Variants in DIP2C observed in about 807,000 individuals in gnomAD.
DIP2C encodes DIP2 acetate--CoA ligase C (putative), also known as disco-interacting protein 2 homolog C.
In DIP2C, 33 loss-of-function variants were observed where a neutral mutation model predicts 192.4. The observed-to-expected ratio is 0.17, with a 90% CI of 0.13 to 0.23. DIP2C has a LOEUF of 0.23. DIP2C is among the 10% of genes least tolerant of loss of function. The pLI, the probability that DIP2C is intolerant of heterozygous loss-of-function variation, is 1.00. For synonymous variants in DIP2C, 979 were observed against 864.1 expected, an observed-to-expected ratio of 1.13 and a Z score of -2.33; for missense variants, 1,537 against 2,110.1, an observed-to-expected ratio of 0.73 and a Z score of 5.32.
intron 1 of DIP2C, among the ~76,000 whole-genome samples, chr10:565,354 T>TAAAATTAAAAA (rs376030794): frequency 2.6e-5 from 3 of 114,136 alleles, no homozygotes; most frequent in Admixed American, 1.7e-4. Context: ...ACCTGCATTC[T>TAAAATTAAAAA]AAAAAAAAAA....
intron 1 of DIP2C, among the ~76,000 whole-genome samples, chr10:643,243 G>C (rs1164077737): frequency 2.1e-5 from 3 of 146,158 alleles, no homozygotes; most frequent in Admixed American, 6.8e-5. Flanking sequence ...GGCCGGGCAC[G>C]GTGGCTCAGG....
rs1960761083 is a variant in DIP2C at position 369,926 on chromosome 10, G to GCT, written c.1992-295_1992-294dup. On this transcript the variant is annotated intron_variant, in intron 17 of 36. Coordinates refer to ENST00000280886, the MANE Select transcript of DIP2C (RefSeq NM_014974.3). ...CTCTATGCAGGCCCTGCACAGACCA[G>GCT]CTCTCTCTCCCCTCCCTCCAGGCCC... 3.1e-6 allele frequency: 4 copies of GCT among 1,306,152 alleles called. No homozygotes were observed. In the East Asian group the frequency reaches 1.4e-4, roughly 46 times the overall value. The allele number at this position is 1,306,152 out of a possible 1,614,324, so 80.9% of individuals were successfully genotyped here.
chr10:615,305 T>G (rs1295278195), intron 1 of DIP2C, among the ~76,000 whole-genome samples: 3 of 152,154 alleles, frequency 2.0e-5, no homozygotes, highest in Non-Finnish European at 4.4e-5. Context: ...GCTGATGTTA[T>G]CAAATCACCA....
rs777371776 is a variant in DIP2C at position 419,054 on chromosome 10, T to G, written c.739+11A>C. On this transcript the variant is annotated intron_variant, in intron 6 of 36. Coordinates refer to ENST00000280886, the MANE Select transcript of DIP2C (RefSeq NM_014974.3). ...TACCAGAAAAAAACGCATCTCTCCT[T>G]TGGGACGTACCATCCCCGGTCTCCA... 1 of 1,614,222 alleles carries G rather than the reference T, an allele frequency of 6.2e-7. No homozygotes were observed. The highest frequency in any genetic ancestry group is 1.1e-5 in the South Asian group (1 of 91,082).
At position 636,202 on chromosome 10, in the gene DIP2C, C is replaced by A. The variant is rs1854826045; in HGVS notation, c.85+53292G>T. ...CCACAAGTCGACAGAACACCAACGG[C>A]TCGTCGGCTCGTCGGCTCTTCCCGG... is the stretch of plus-strand genomic sequence containing the variant. On this transcript the variant is annotated intron_variant, in intron 1 of 36. Transcript: ENST00000280886. This position sits in a 1 kb window ranked among gnomAD's most constrained non-coding sequence, Gnocchi z 4.6. 6.6e-6 allele frequency among the ~76,000 whole-genome samples: 1 copy of A among 152,206 alleles called. No homozygotes were observed. Among genetic ancestry groups the A allele is most frequent in the South Asian group, 2.1e-4 (1 of 4,826 alleles).
At position 591,127 on chromosome 10, in the gene DIP2C, G is replaced by A. The variant is rs1461195047; in HGVS notation, c.85+98367C>T. On this transcript the variant is annotated intron_variant, in intron 1 of 36. Coordinates refer to ENST00000280886, the MANE Select transcript of DIP2C (RefSeq NM_014974.3). ...CAGGTTTCCATTACTGGTTTTTTTTGTTTTGTTTTTTTTAGATGGAGTCTC... is the reference window on the plus strand; with the variant it reads ...CAGGTTTCCATTACTGGTTTTTTTTATTTTGTTTTTTTTAGATGGAGTCTC... Among the ~76,000 whole-genome samples, 6 of 149,986 alleles carry A rather than the reference G, an allele frequency of 4.0e-5. No individual in the cohort carries two copies. The South Asian group carries it at 1.0e-3, about 26-fold the overall frequency.
intron 5 of DIP2C, 110 bp downstream of exon 5, chr10:422,714 T>C: frequency 1.5e-6 from 2 of 1,335,474 alleles, no homozygotes; most frequent in East Asian, 2.3e-5. Context: ...CCAGAGGAGC[T>C]CTGTGCTCTT....
rs866937330 is a variant in DIP2C at position 487,571 on chromosome 10, T to G, written c.86-1041A>C. ...CGCATCCGCCCATCAATGAGTGTTT[T>G]TTTTTTTTTTTTTTTTTTTTTTTTT... is the stretch of plus-strand genomic sequence containing the variant. On this transcript the variant is annotated intron_variant, in intron 1 of 36. Coordinates refer to ENST00000280886, the MANE Select transcript of DIP2C (RefSeq NM_014974.3). 5.2e-5 allele frequency among the ~76,000 whole-genome samples: 5 copies of G among 95,566 alleles called. No individual in the cohort carries two copies. The South Asian group carries it at 1.2e-3, about 22-fold the overall frequency. 62.7% of individuals were successfully genotyped at this position (95,566 alleles called of 152,430 possible). A position where few individuals can be genotyped will look rare whatever the true frequency, so the allele number is the denominator to read the frequency against.
chr10:579,045 C>T (rs914325442), intron 1 of DIP2C, among the ~76,000 whole-genome samples: 1 of 151,990 alleles, frequency 6.6e-6, no homozygotes, highest in Non-Finnish European at 1.5e-5. Context: ...ACCCAGTGTA[C>T]AAACATAAGT....
At chr10:406,323 C>G (rs1964804792) in intron 9 of DIP2C, among the ~76,000 whole-genome samples, 1 of 152,230 alleles carries the variant, frequency 6.6e-6, no homozygotes, top group South Asian at 2.1e-4. Flanking sequence ...ACTGCCACCA[C>G]CAGCCATCTC....
chr10:587,490 A>G (rs1004272091), intron 1 of DIP2C, among the ~76,000 whole-genome samples: 4 of 152,204 alleles, frequency 2.6e-5, no homozygotes, highest in African/African-American at 7.2e-5. Flanking sequence ...AATGAAATAA[A>G]AATACCCCAA....
At chr10:493,694 T>C (rs1397900329) in intron 1 of DIP2C, among the ~76,000 whole-genome samples, 3 of 152,146 alleles carry the variant, frequency 2.0e-5, no homozygotes, top group African/African-American at 7.2e-5. Flanking sequence ...GGAGGGAACA[T>C]GAGCATGAGG....
At chr10:315,686 G>A (rs1286065161) in intron 31 of DIP2C, among the ~76,000 whole-genome samples, 1 of 152,224 alleles carries the variant, frequency 6.6e-6, no homozygotes, top group Non-Finnish European at 1.5e-5. Context: ...TCTGCCTGGA[G>A]TTGACTGAGC....
At chr10:686,385 G>A (rs1335839263) in intron 1 of DIP2C, among the ~76,000 whole-genome samples, 4 of 146,106 alleles carry the variant, frequency 2.7e-5, no homozygotes, top group African/African-American at 1.0e-4. Context: ...CTCCTCACCC[G>A]AGGGGCCTCC....
At chr10:414,737 G>GTATATATATATATATATATATATATA (rs1213629573) in intron 7 of DIP2C, among the ~76,000 whole-genome samples, 37 of 55,784 alleles carry the variant, frequency 6.6e-4, no homozygotes, top group East Asian at 2.1e-3. Flanking sequence ...GTGTGTGTGT[G>GTATATATATATATATATATATATATA]TGTACATATA....
intron 1 of DIP2C, among the ~76,000 whole-genome samples, chr10:572,200 G>A (rs992512501): frequency 3.3e-5 from 5 of 152,194 alleles, no homozygotes; most frequent in African/African-American, 1.2e-4. Flanking sequence ...GTGTTCTAAG[G>A]ATCACACGTG....
intron 1 of DIP2C, among the ~76,000 whole-genome samples, chr10:676,802 G>C (rs1456174824): frequency 1.3e-5 from 2 of 152,130 alleles, no homozygotes; most frequent in Non-Finnish European, 2.9e-5. Flanking sequence ...CGGGAAGGGA[G>C]AAAGGGAGAG....
chr10:606,900 C>T (rs1852527360), intron 1 of DIP2C, among the ~76,000 whole-genome samples: 1 of 152,180 alleles, frequency 6.6e-6, no homozygotes, highest in African/African-American at 2.4e-5. Flanking sequence ...GTCATGGTGA[C>T]TCAGGCTGGG....
intron 1 of DIP2C, among the ~76,000 whole-genome samples, chr10:491,355 T>G (rs1399414069): frequency 1.3e-5 from 2 of 152,232 alleles, no homozygotes. Context: ...CGTTTCCATG[T>G]TGGGAATTCT....
Sources: gnomAD v4.1 joint callset for allele counts (sites outside exome capture counted in the v4.1 genomes callset) on GRCh38, gnomAD v4.1.1 for gene constraint, Gnocchi (gnomAD v3.1) non-coding constraint, MANE v1.5 for transcripts, NCBI Gene and HGNC (gene_info 2026-07-23, HGNC 2026-07-21) for gene names.